HMGA2: variants seen among roughly 807,000 people sequenced by gnomAD.
The protein encoded by HMGA2 is high mobility group AT-hook 2.
In HMGA2, 8 loss-of-function variants were observed where a neutral mutation model predicts 19.1. The ratio of observed to expected loss-of-function variants is 0.42; its 90% CI spans 0.25 to 0.76. The LOEUF (loss-of-function observed/expected upper bound fraction) is 0.76. Among genes scored for constraint, HMGA2 ranks in the 30% least tolerant of loss-of-function variants. HMGA2 has a pLI of 0.28. For missense variants in HMGA2, 109 were observed against 136.3 expected (o/e 0.80, Z 1.00); for synonymous variants, 60 against 48.8 (o/e 1.23, Z -0.96).
chr12:65,840,270 C>A (rs972309537), intron 3 of HMGA2, among the ~76,000 whole-genome samples: 5 of 152,102 alleles, frequency 3.3e-5, no homozygotes, highest in African/African-American at 9.7e-5. Context: ...CATATGGATT[C>A]TTTGGGTCAA....
chr12:65,842,441 A>G (rs909046717), intron 3 of HMGA2: 1 of 674,012 alleles, frequency 1.5e-6, no homozygotes, highest in South Asian at 1.9e-5. Flanking sequence ...AGTTACACAT[A>G]GAATGAAGTA....
chr12:65,906,046 C>A (rs1345997938), intron 3 of HMGA2, among the ~76,000 whole-genome samples: 1 of 152,190 alleles, frequency 6.6e-6, no homozygotes, highest in Non-Finnish European at 1.5e-5. Flanking sequence ...CATTAAAAAC[C>A]AGCCAGAGCC....
At chr12:65,871,431 A>G (rs1872705339) in intron 3 of HMGA2, among the ~76,000 whole-genome samples, 1 of 152,150 alleles carries the variant, frequency 6.6e-6, no homozygotes, top group Non-Finnish European at 1.5e-5. Context: ...TGGCCCTCTT[A>G]ATCCATTTAT....
chr12:65,881,591 T>C, intron 3 of HMGA2: 1 of 615,076 alleles, frequency 1.6e-6, no homozygotes, highest in East Asian at 2.8e-5. Flanking sequence ...GGAACTGTCC[T>C]GGCCTGAGTA....
chr12:65,895,475 T>C (rs1364253185), intron 3 of HMGA2, among the ~76,000 whole-genome samples: 2 of 152,314 alleles, frequency 1.3e-5, no homozygotes, highest in African/African-American at 4.8e-5. Flanking sequence ...TTGTGGCAAC[T>C]TTTTCCTACC....
At chr12:65,850,599 C>G (rs1871421084) in intron 3 of HMGA2, among the ~76,000 whole-genome samples, 1 of 151,216 alleles carries the variant, frequency 6.6e-6, no homozygotes, top group African/African-American at 2.4e-5. Flanking sequence ...TATTTGCTAT[C>G]TTTGAAACAA....
chr12:65,922,704 G>A (rs343091), intron 3 of HMGA2, among the ~76,000 whole-genome samples: 116,263 of 151,936 alleles, frequency 0.77, 46,037 homozygotes, highest in East Asian at 0.96. Flanking sequence ...GAGGGGCCAG[G>A]GGCAGTATGA....
intron 3 of HMGA2, chr12:65,915,224 C>A: frequency 6.3e-7 from 1 of 1,590,544 alleles, no homozygotes; most frequent in South Asian, 1.1e-5. Context: ...TGGCTTTCTC[C>A]GATATAGAAA....
chr12:65,884,163 G>T (rs1045194140), intron 3 of HMGA2, among the ~76,000 whole-genome samples: 17 of 152,138 alleles, frequency 1.1e-4, no homozygotes, highest in East Asian at 1.9e-4. Context: ...ACCGTATCTG[G>T]CTCTCATATT....
At chr12:65,950,603 C>A (rs1294334495) in intron 3 of HMGA2, among the ~76,000 whole-genome samples, 1 of 152,088 alleles carries the variant, frequency 6.6e-6, no homozygotes. Context: ...TACAAGATTT[C>A]TTTTAGAGGA....
intron 3 of HMGA2, among the ~76,000 whole-genome samples, chr12:65,910,530 C>T (rs1449436486): frequency 6.6e-6 from 1 of 152,112 alleles, no homozygotes; most frequent in Non-Finnish European, 1.5e-5. Flanking sequence ...GTATCTTTAG[C>T]CATGAATATG....
chr12:65,911,771 C>G (rs1213562920), intron 3 of HMGA2, among the ~76,000 whole-genome samples: 1 of 152,144 alleles, frequency 6.6e-6, no homozygotes, highest in Admixed American at 6.5e-5. Flanking sequence ...GCCCCTTATG[C>G]ACACACAGAA....
At chr12:65,918,392 T>C (rs553152812) in intron 3 of HMGA2, among the ~76,000 whole-genome samples, 2 of 152,290 alleles carry the variant, frequency 1.3e-5, no homozygotes, top group South Asian at 4.1e-4. Flanking sequence ...ACATAGGAAA[T>C]GTAAGCAGGG....
intron 3 of HMGA2, among the ~76,000 whole-genome samples, chr12:65,853,947 C>A (rs764548571): frequency 6.6e-6 from 1 of 152,222 alleles, no homozygotes; most frequent in Non-Finnish European, 1.5e-5. Flanking sequence ...GAGAGATGAT[C>A]GCACTGTATT....
At chr12:65,902,996 G>T (rs1483007024) in intron 3 of HMGA2, among the ~76,000 whole-genome samples, 4 of 152,090 alleles carry the variant, frequency 2.6e-5, no homozygotes, top group Admixed American at 6.6e-5. Flanking sequence ...GCTGAAGTAG[G>T]ATCTAAAAGA....
intron 3 of HMGA2, among the ~76,000 whole-genome samples, chr12:65,951,133 T>C (rs1876443655): frequency 6.6e-6 from 1 of 152,154 alleles, no homozygotes; most frequent in South Asian, 2.1e-4. Context: ...TTCACCATGT[T>C]GCCCAGCCTG....
chr12:65,888,748 A>G (rs1177971258), intron 3 of HMGA2, among the ~76,000 whole-genome samples: 5 of 151,132 alleles, frequency 3.3e-5, no homozygotes, highest in Non-Finnish European at 7.4e-5. Flanking sequence ...TATTTTTAGT[A>G]GAGACGGGGT....
At chr12:65,863,605 T>G (rs1192582215) in intron 3 of HMGA2, among the ~76,000 whole-genome samples, 2 of 152,240 alleles carry the variant, frequency 1.3e-5, no homozygotes, top group African/African-American at 4.8e-5. Flanking sequence ...ATCCTTTGCA[T>G]GGACCAGATG....
intron 3 of HMGA2, among the ~76,000 whole-genome samples, chr12:65,864,382 A>G (rs1872273482): frequency 6.6e-6 from 1 of 152,236 alleles, no homozygotes; most frequent in Non-Finnish European, 1.5e-5. Flanking sequence ...AATTTAATTG[A>G]GTAGTGTTAT....
Sources: gnomAD v4.1 joint callset for allele counts (sites outside exome capture counted in the v4.1 genomes callset) on GRCh38, gnomAD v4.1.1 for gene constraint, MANE v1.5 for transcripts, NCBI Gene and HGNC (gene_info 2026-07-23, HGNC 2026-07-21) for gene names.